AFAP1: variants seen among roughly 807,000 people sequenced by gnomAD.
AFAP1 encodes actin filament-associated protein 1.
AFAP1 carries 75 observed loss-of-function variants against 93.9 expected under a neutral mutation model. That is an observed-to-expected ratio of 0.80 (90% CI 0.66 to 0.97). AFAP1 has a LOEUF of 0.97. Ranked by LOEUF, AFAP1 falls within the 50% of genes least tolerant of loss-of-function variation. The pLI is 0.00. For missense variants in AFAP1, 1,201 were observed against 1,050.8 expected (o/e 1.14, Z -1.98); for synonymous variants, 517 against 430.7 (o/e 1.20, Z -2.48).
chr4:7,877,201 G>A (rs1414640631), intron 1 of AFAP1, among the ~76,000 whole-genome samples: 1 of 152,192 alleles, frequency 6.6e-6, no homozygotes, highest in Non-Finnish European at 1.5e-5. Context: ...CAGCAGCCTA[G>A]CAGTACATTC....
At position 7,781,385 on chromosome 4, in the gene AFAP1, G is replaced by C. The variant is rs1206985173; in HGVS notation, c.1773C>G (p.Leu591=). Residue 591 remains leucine (L), a synonymous_variant, in exon 13 of 18, where the codon CTC becomes CTG. Transcript: ENST00000420658. ...GAAGAAGATGCCGTACCTGCGAGTT[G>C]AGCCCGAGAGACGCCCTCCCCACAG... The part of the protein sequence containing the change: ...TSSVGRASLG[L]NSQLKGKKPP... The C allele has an allele frequency of 1.3e-6, 2 of 1,551,472 alleles. No homozygotes were observed. Among genetic ancestry groups the C allele is most frequent in the East Asian group, 2.4e-5 (1 of 40,934 alleles).
intron 10 of AFAP1, among the ~76,000 whole-genome samples, chr4:7,797,021 C>A (rs1413118795): frequency 1.3e-5 from 2 of 152,074 alleles, no homozygotes; most frequent in Non-Finnish European, 2.9e-5. Context: ...GATTGCGCCA[C>A]TGCACTCCAG....
chr4:7,868,808 T>C, intron 2 of AFAP1, 89 bp from the exon 3 acceptor site: 3 of 1,102,834 alleles, frequency 2.7e-6, no homozygotes, highest in Non-Finnish European at 4.0e-6. Flanking sequence ...AACCCTGTGT[T>C]GAACACTTTG....
At chr4:7,879,909 C>T (rs545956145) in intron 1 of AFAP1, among the ~76,000 whole-genome samples, 1 of 152,198 alleles carries the variant, frequency 6.6e-6, no homozygotes, top group South Asian at 2.1e-4. Flanking sequence ...AATTGATCGG[C>T]CTGCCTCGGC....
chr4:7,910,815 T>C (rs1719682669), intron 1 of AFAP1, among the ~76,000 whole-genome samples: 1 of 152,200 alleles, frequency 6.6e-6, no homozygotes, highest in Non-Finnish European at 1.5e-5. Context: ...GAGTATGTGA[T>C]AGACGAAAAT....
chr4:7,933,880 C>A (rs184572539), intron 1 of AFAP1, among the ~76,000 whole-genome samples: 1 of 152,236 alleles, frequency 6.6e-6, no homozygotes, highest in Admixed American at 6.5e-5. Flanking sequence ...CCACGTCAGA[C>A]TTCTACCCCA....
chr4:7,844,627 C>T (rs1397310946), intron 4 of AFAP1, among the ~76,000 whole-genome samples: 4 of 152,246 alleles, frequency 2.6e-5, no homozygotes, highest in Non-Finnish European at 4.4e-5. Context: ...CGGCACCTAA[C>T]AAAGTACCTG....
intron 9 of AFAP1, among the ~76,000 whole-genome samples, chr4:7,806,929 C>G (rs1212486659): frequency 6.6e-6 from 1 of 152,136 alleles, no homozygotes; most frequent in Non-Finnish European, 1.5e-5. Context: ...ACAAATGCAG[C>G]TATTTATCAG....
chr4:7,773,162 G>T (rs1170554215), intron 15 of AFAP1, 152 bp from the exon 16 acceptor site: 2 of 1,202,404 alleles, frequency 1.7e-6, no homozygotes, highest in Non-Finnish European at 2.3e-6. Context: ...AAATTCAGCA[G>T]TTCTCTAAGG....
chr4:7,872,618 T>C (rs1379913513), intron 1 of AFAP1, among the ~76,000 whole-genome samples: 1 of 152,188 alleles, frequency 6.6e-6, no homozygotes, highest in Non-Finnish European at 1.5e-5. Context: ...ACCATGCCTT[T>C]TCCTTCTAGA....
chr4:7,815,966 TTTTTG>T, intron 8 of AFAP1, 47 bp downstream of exon 8: 3 of 1,500,454 alleles, frequency 2.0e-6, no homozygotes, highest in Non-Finnish European at 2.7e-6. Flanking sequence ...TAGATTTTTG[TTTTTG>T]TTTTTTTTTT....
intron 6 of AFAP1, among the ~76,000 whole-genome samples, chr4:7,829,604 C>G (rs533638098): frequency 3.3e-4 from 51 of 152,278 alleles, no homozygotes; most frequent in Middle Eastern, 3.4e-3. Flanking sequence ...GGCTCTTAAA[C>G]CCTATAAAAA....
intron 1 of AFAP1, among the ~76,000 whole-genome samples, chr4:7,906,415 G>A (rs1348858751): frequency 1.4e-4 from 21 of 152,286 alleles, no homozygotes; most frequent in Admixed American, 1.1e-3. Flanking sequence ...ATTAATAACA[G>A]CACTGCAAAA....
intron 4 of AFAP1, among the ~76,000 whole-genome samples, chr4:7,848,908 A>G (rs1288239655): frequency 1.3e-5 from 2 of 152,174 alleles, no homozygotes; most frequent in Non-Finnish European, 2.9e-5. Context: ...TTTATTCCAG[A>G]AAAAAACTGC....
At position 7,768,886 on chromosome 4, in the gene AFAP1, C is replaced by T. The variant is rs62636596; in HGVS notation, c.2376G>A (p.Pro792=). The change falls in exon 17 of 18, where the codon CCG becomes CCA. Residue 792 remains proline, a synonymous_variant. Coordinates refer to ENST00000420658, the MANE Select transcript of AFAP1 (RefSeq NM_001134647.2). The part of the protein sequence containing the change: ...AAVLKKSQAA[P]GSSPCRGHVL... ...CATGCCCTCGGCAGGGGGAGCTGCCCGGGGCAGCCTGGCTCTTCTTCAAGA... is the reference window on the plus strand; with the variant it reads ...CATGCCCTCGGCAGGGGGAGCTGCCTGGGGCAGCCTGGCTCTTCTTCAAGA... 0.014 allele frequency: 22,650 copies of T among 1,610,222 alleles called. 195 individuals are homozygous for T. Among genetic ancestry groups the T allele is most frequent in the Non-Finnish European group, 0.016 (19,010 of 1,177,288 alleles).
intron 9 of AFAP1, among the ~76,000 whole-genome samples, 174 bp from the exon 10 acceptor site, chr4:7,800,827 G>A (rs370402163): frequency 6.6e-6 from 1 of 152,302 alleles, no homozygotes; most frequent in East Asian, 1.9e-4. Context: ...CCGTGGCTAC[G>A]GCATCACAAG....
intron 1 of AFAP1, among the ~76,000 whole-genome samples, chr4:7,921,957 T>C (rs1720463324): frequency 6.6e-6 from 1 of 152,164 alleles, no homozygotes; most frequent in Non-Finnish European, 1.5e-5. Context: ...ACCCCGTCTC[T>C]ACTAAAAATA....
intron 13 of AFAP1, among the ~76,000 whole-genome samples, chr4:7,779,590 G>A (rs114430783): frequency 0.02 from 3,060 of 152,258 alleles, 109 homozygotes; most frequent in African/African-American, 0.069. Flanking sequence ...CCACGCCCAC[G>A]CTTTTTTCCA....
chr4:7,922,082 C>T (rs1002923468), intron 1 of AFAP1, among the ~76,000 whole-genome samples: 1 of 152,112 alleles, frequency 6.6e-6, no homozygotes, highest in Non-Finnish European at 1.5e-5. Context: ...AAGATCACGC[C>T]AGCCTGGCGA....
Sources: gnomAD v4.1 joint callset for allele counts (sites outside exome capture counted in the v4.1 genomes callset) on GRCh38, gnomAD v4.1.1 for gene constraint, MANE v1.5 for transcripts, NCBI Gene and HGNC (gene_info 2026-07-23, HGNC 2026-07-21) for gene names.